Variants in ERC2 observed in about 807,000 individuals in gnomAD.
ERC2 encodes ELKS/RAB6-interacting/CAST family member 2, also known as ERC protein 2.
ERC2 carries 42 observed loss-of-function variants against 114.8 expected under a neutral mutation model. The observed-to-expected ratio is 0.37, with a 90% CI of 0.29 to 0.47. The LOEUF (loss-of-function observed/expected upper bound fraction) is 0.47, where lower values mean the gene tolerates loss of function less well. Among genes scored for constraint, ERC2 ranks in the 20% least tolerant of loss-of-function variants. The probability of loss-of-function intolerance (pLI) is 0.99; values close to 1 mark genes in which losing one functional copy is unlikely to be tolerated. For synonymous variants in ERC2, 454 were observed against 425.5 expected, an observed-to-expected ratio of 1.07 and a Z score of -0.82; for missense variants, 939 against 1,150.7, an observed-to-expected ratio of 0.82 and a Z score of 2.66.
chr3:56,383,342 T>G (rs974980880), intron 2 of ERC2, among the ~76,000 whole-genome samples: 1 of 152,174 alleles, frequency 6.6e-6, no homozygotes, highest in Non-Finnish European at 1.5e-5. Flanking sequence ...CCTTCCATGA[T>G]CCGGTGCCTT....
chr3:56,354,341 C>T (rs554278611), intron 2 of ERC2, among the ~76,000 whole-genome samples: 27 of 152,194 alleles, frequency 1.8e-4, no homozygotes, highest in Non-Finnish European at 3.7e-4. Flanking sequence ...TCTTTTGGTA[C>T]CTGGATTGTA....
intron 17 of ERC2, among the ~76,000 whole-genome samples, chr3:55,584,682 G>A (rs2057502568): frequency 6.6e-6 from 1 of 152,162 alleles, no homozygotes; most frequent in African/African-American, 2.4e-5. Context: ...ACATCTCCCT[G>A]CTGAGGCTGC....
intron 2 of ERC2, among the ~76,000 whole-genome samples, chr3:56,360,987 T>C (rs1247214521): frequency 6.6e-6 from 1 of 151,758 alleles, no homozygotes; most frequent in African/African-American, 2.4e-5. Context: ...ACTATTGGGG[T>C]AGTCATGCAA....
At chr3:55,695,225 T>C (rs1042434501) in intron 16 of ERC2, among the ~76,000 whole-genome samples, 1 of 152,236 alleles carries the variant, frequency 6.6e-6, no homozygotes, top group Non-Finnish European at 1.5e-5. Context: ...ATGTTTCATT[T>C]ACTCTTTGGA....
chr3:55,775,836 T>A (rs962687050), intron 14 of ERC2, among the ~76,000 whole-genome samples: 5 of 152,166 alleles, frequency 3.3e-5, no homozygotes, highest in Admixed American at 6.5e-5. Flanking sequence ...CTTCTGCCAG[T>A]TTTGAGATAA....
At chr3:56,246,432 C>T (rs1282765346) in intron 3 of ERC2, among the ~76,000 whole-genome samples, 1 of 152,112 alleles carries the variant, frequency 6.6e-6, no homozygotes. Context: ...CACAATCTTC[C>T]CCTGTTGACA....
rs111998351 is a variant in ERC2, at chr3:55,797,539, T to C, written c.2565-62621A>G. Reference sequence around the variant, plus strand: ...GCGGTTCCCACTAAGATTTGTCAAATATAAATTCCCCCAGATCACCAAGCA... The same window carrying C: ...GCGGTTCCCACTAAGATTTGTCAAACATAAATTCCCCCAGATCACCAAGCA... On this transcript the variant is annotated intron_variant, in intron 14 of 17. Coordinates refer to ENST00000288221, the MANE Select transcript of ERC2 (RefSeq NM_015576.3). Among the ~76,000 whole-genome samples, 454 of 152,222 alleles carry C rather than the reference T, an allele frequency of 3.0e-3. 2 individuals are homozygous for C. The highest frequency in any genetic ancestry group is 0.01 in the African/African-American group (431 of 41,540).
chr3:56,025,673 T>C (rs565870330), intron 7 of ERC2, among the ~76,000 whole-genome samples: 1 of 152,264 alleles, frequency 6.6e-6, no homozygotes, highest in Admixed American at 6.5e-5. Flanking sequence ...TGTGATTAGG[T>C]AGGGCCAACA....
At chr3:56,223,657 C>G (rs1274828986) in intron 3 of ERC2, among the ~76,000 whole-genome samples, 1 of 152,064 alleles carries the variant, frequency 6.6e-6, no homozygotes, top group Non-Finnish European at 1.5e-5. Flanking sequence ...TTCTTGGCAC[C>G]TATACCCTGA....
chr3:55,563,338 T>C (rs1236140441), intron 17 of ERC2, among the ~76,000 whole-genome samples: 8 of 151,990 alleles, frequency 5.3e-5, no homozygotes, highest in Admixed American at 5.2e-4. Flanking sequence ...CTTTTTTTTT[T>C]TTTTTTTTAC....
intron 1 of ERC2, among the ~76,000 whole-genome samples, chr3:56,438,869 A>T (rs2062153593): frequency 6.6e-6 from 1 of 152,244 alleles, no homozygotes; most frequent in Non-Finnish European, 1.5e-5. Flanking sequence ...AATAACCAAC[A>T]AACAAAGTTA....
chr3:56,180,489 A>G lies in ERC2; in HGVS notation c.1075-6969T>C, dbSNP rs570461328. Among the ~76,000 whole-genome samples the G allele has an allele frequency of 1.4e-3, 217 of 152,356 alleles. 2 individuals carry two copies. The highest frequency in any genetic ancestry group is 4.9e-3 in the African/African-American group (205 of 41,594). ...CAATGGAATATTATTCAGCCATAAA[A>G]GGACGGAAATTTTAATGCCTGCTAC... is the stretch of plus-strand genomic sequence containing the variant. On this transcript the variant is annotated intron_variant, in intron 3 of 17. Transcript: ENST00000288221.
chr3:55,556,089 T>C (rs919257663), intron 17 of ERC2, among the ~76,000 whole-genome samples: 1 of 152,110 alleles, frequency 6.6e-6, no homozygotes, highest in African/African-American at 2.4e-5. Flanking sequence ...AGCCCTCCCT[T>C]GGAAACAAAC....
At chr3:56,035,857 A>G (rs1282486871) in intron 7 of ERC2, among the ~76,000 whole-genome samples, 1 of 152,164 alleles carries the variant, frequency 6.6e-6, no homozygotes, top group Non-Finnish European at 1.5e-5. Context: ...TTCCAATCTC[A>G]TTTACAAGGC....
chr3:55,629,920 G>A (rs2059675928), intron 17 of ERC2, among the ~76,000 whole-genome samples: 1 of 152,192 alleles, frequency 6.6e-6, no homozygotes, highest in Non-Finnish European at 1.5e-5. Flanking sequence ...CCAAGCATAT[G>A]AGACAGCAGT....
chr3:55,601,954 C>G (rs1263867075), intron 17 of ERC2, among the ~76,000 whole-genome samples: 1 of 152,224 alleles, frequency 6.6e-6, no homozygotes, highest in African/African-American at 2.4e-5. Context: ...CTGGGAACTT[C>G]CCATGAGCCG....
intron 2 of ERC2, among the ~76,000 whole-genome samples, chr3:56,357,797 C>T (rs1441472594): frequency 2.7e-5 from 4 of 148,310 alleles, no homozygotes; most frequent in African/African-American, 1.0e-4. Context: ...TGTCATATCC[C>T]ATAACATAAT....
Position 56,139,685 on chromosome 3 carries a change from CA to C in ERC2, c.1306-10del. On this transcript the variant is annotated splice_polypyrimidine_tract_variant and intron_variant, in intron 5 of 17. Coordinates refer to ENST00000288221, the MANE Select transcript of ERC2 (RefSeq NM_015576.3). ...TGCTTCAGCTGATCAATCTGCAAAA[CA>C]ACAACAAAATTGCAAGAAATTAGAA... 6.3e-7 allele frequency: 1 copy of C among 1,585,712 alleles called. No individual in the cohort carries two copies. The highest frequency in any genetic ancestry group is 8.6e-7 in the Non-Finnish European group (1 of 1,164,568).
chr3:55,748,683 T>C (rs962647382), intron 14 of ERC2, among the ~76,000 whole-genome samples: 2 of 152,208 alleles, frequency 1.3e-5, no homozygotes, highest in African/African-American at 2.4e-5. Flanking sequence ...CCTCTGCATG[T>C]ATCAAATACT....
Sources: allele counts gnomAD v4.1 joint callset (sites outside exome capture counted in the v4.1 genomes callset), GRCh38; gene constraint gnomAD v4.1.1; transcripts MANE v1.5; gene names NCBI Gene and HGNC (gene_info 2026-07-23, HGNC 2026-07-21).